The following CCDC62 variants were observed in gnomAD, a reference collection of about 807,000 sequenced individuals.
The protein encoded by CCDC62 is coiled-coil domain-containing protein 62.
A neutral mutation model predicts 80.8 loss-of-function variants in CCDC62; 72 were observed. That is an observed-to-expected ratio of 0.89 (90% CI 0.74 to 1.08). CCDC62 has a LOEUF of 1.08. Among genes scored for constraint, CCDC62 ranks in the 50% least tolerant of loss-of-function variants. The pLI is 0.00. For synonymous variants in CCDC62, 286 were observed against 296.5 expected (o/e 0.96, Z 0.36); for missense variants, 704 against 809.4 (o/e 0.87, Z 1.58).
In CCDC62 at chr12:122,801,465, C is replaced by G. The variant is rs199705995; in HGVS notation, c.1319C>G (p.Thr440Ser). 1.7e-5 allele frequency: 27 copies of G among 1,614,114 alleles called. No homozygotes were observed. In the East Asian group the frequency reaches 5.3e-4, roughly 32 times the overall value. ...ACAAAATCACCAAAATGTCATGGCA[C>G]TGGGGTTCAGAACGAAGGAAAACAA... Reference protein sequence around the residue: ...IHTKSPKCHGTGVQNEGKQPS... With the variant: ...IHTKSPKCHGSGVQNEGKQPS... Residue 440 changes from threonine to serine, a missense_variant, in exon 9 of 13, where the codon ACT (threonine) becomes AGT (serine). Transcript: ENST00000253079.
At chr12:122,811,198 A>C (rs1206687540) in intron 10 of CCDC62, among the ~76,000 whole-genome samples, 1 of 143,766 alleles carries the variant, frequency 7.0e-6, no homozygotes, top group Non-Finnish European at 1.5e-5. Flanking sequence ...AAATAAAAAG[A>C]AATTAAGTTT....
chr12:122,790,351 A>G (rs2030525969), intron 5 of CCDC62, among the ~76,000 whole-genome samples: 1 of 22,808 alleles, frequency 4.4e-5, no homozygotes, highest in African/African-American at 2.1e-4. Context: ...CACCCAGCTT[A>G]AAACTTTTTT....
intron 10 of CCDC62, among the ~76,000 whole-genome samples, chr12:122,808,966 G>A (rs892048088): frequency 2.0e-5 from 3 of 152,146 alleles, no homozygotes; most frequent in Non-Finnish European, 4.4e-5. Context: ...GGTATGAAGA[G>A]GTATCTCAGT....
chr12:122,795,494 G>A (rs1436698125), intron 6 of CCDC62, among the ~76,000 whole-genome samples: 1 of 150,902 alleles, frequency 6.6e-6, no homozygotes, highest in Non-Finnish European at 1.5e-5. Context: ...TGTGTTCGCG[G>A]CTCACTGCAA....
chr12:122,819,101 C>G (rs2032298305), intron 11 of CCDC62, among the ~76,000 whole-genome samples: 1 of 152,132 alleles, frequency 6.6e-6, no homozygotes. Context: ...CATACATTTT[C>G]TGGTGCATTA....
Position 122,820,031 on chromosome 12 carries a change from C to T in CCDC62, c.2002-3335C>T, listed in dbSNP as rs142535333. On this transcript the variant is annotated intron_variant, in intron 11 of 12. Coordinates refer to ENST00000253079, the MANE Select transcript of CCDC62 (RefSeq NM_201435.5). Reference sequence around the variant, plus strand: ...GAGCTGTGATTGAGCAACTGTATTCCAGCCTGAGCGATACAGCAAGATCCT... The same window carrying T: ...GAGCTGTGATTGAGCAACTGTATTCTAGCCTGAGCGATACAGCAAGATCCT... 6.2e-3 allele frequency among the ~76,000 whole-genome samples: 764 copies of T among 123,030 alleles called. 8 individuals are homozygous for T. The highest frequency in any genetic ancestry group is 0.038 in the Middle Eastern group (7 of 182). 80.7% of individuals were successfully genotyped at this position (123,030 alleles called of 152,430 possible).
chr12:122,780,531 GT>G (rs1394831166), intron 2 of CCDC62, among the ~76,000 whole-genome samples: 13 of 150,276 alleles, frequency 8.7e-5, no homozygotes, highest in Admixed American at 5.3e-4. Context: ...GGAGAATGGC[GT>G]GAACCCAGGA....
chr12:122,804,148 G>A (rs573058889), intron 9 of CCDC62, among the ~76,000 whole-genome samples: 21 of 152,258 alleles, frequency 1.4e-4, no homozygotes, highest in East Asian at 1.9e-4. Context: ...AGGTTTACCC[G>A]TGCAGGGAGA....
At chr12:122,777,300 C>T in intron 1 of CCDC62, 191 bp from the exon 2 acceptor site, 1 of 524,996 alleles carries the variant, frequency 1.9e-6, no homozygotes, top group Non-Finnish European at 3.4e-6. Flanking sequence ...TGTAGAGAGG[C>T]AGAGTGCATG....
Position 122,811,987 on chromosome 12 carries a change from ATGT to A in CCDC62, c.1852-1279_1852-1277del, listed in dbSNP as rs544310573. On this transcript the variant is annotated intron_variant, in intron 10 of 12. Coordinates refer to ENST00000253079, the MANE Select transcript of CCDC62 (RefSeq NM_201435.5). ...ATTTTTCAAGGCTTATAAGCCTTTA[ATGT>A]TGTCCTATTTTGCAAGTATTTTGAC... Among the ~76,000 whole-genome samples the A allele has an allele frequency of 1.8e-3, 276 of 152,288 alleles. 2 individuals carry two copies. Among genetic ancestry groups the A allele is most frequent in the Non-Finnish European group, 3.1e-3 (210 of 68,034 alleles).
At chr12:122,819,971 A>AG (rs1356632809) in intron 11 of CCDC62, among the ~76,000 whole-genome samples, 1 of 142,046 alleles carries the variant, frequency 7.0e-6, no homozygotes, top group East Asian at 2.4e-4. Flanking sequence ...CTGGGACAGG[A>AG]GGATTGCTTG....
At chr12:122,803,451 G>A (rs1367199616) in intron 9 of CCDC62, among the ~76,000 whole-genome samples, 2 of 152,000 alleles carry the variant, frequency 1.3e-5, no homozygotes, top group Non-Finnish European at 2.9e-5. Flanking sequence ...AATAATGTCT[G>A]CTATTTTAAA....
intron 3 of CCDC62, among the ~76,000 whole-genome samples, chr12:122,781,636 G>A (rs368566337): frequency 3.6e-4 from 55 of 151,776 alleles, no homozygotes; most frequent in East Asian, 1.2e-3. Flanking sequence ...GGTGAGCCAA[G>A]ATCGCGCCAT....
intron 3 of CCDC62, among the ~76,000 whole-genome samples, chr12:122,783,975 G>A (rs1408392990): frequency 6.6e-6 from 1 of 152,146 alleles, no homozygotes; most frequent in African/African-American, 2.4e-5. Context: ...GATGTGTAAT[G>A]ACACATATCC....
intron 10 of CCDC62, among the ~76,000 whole-genome samples, chr12:122,809,766 C>CTA (rs1349346409): frequency 1.1e-4 from 17 of 152,204 alleles, no homozygotes; most frequent in Non-Finnish European, 2.4e-4. Context: ...TGACTTCAAA[C>CTA]TATACTACAA....
At chr12:122,820,249 G>C (rs2032347006) in intron 11 of CCDC62, among the ~76,000 whole-genome samples, 1 of 152,120 alleles carries the variant, frequency 6.6e-6, no homozygotes, top group Non-Finnish European at 1.5e-5. Flanking sequence ...AACTATTCAA[G>C]AAAAACTCCA....
intron 11 of CCDC62, among the ~76,000 whole-genome samples, chr12:122,820,061 CAAAAAAAAA>C (rs34620795): frequency 8.6e-5 from 5 of 58,114 alleles, no homozygotes; most frequent in South Asian, 8.3e-4. Context: ...GATCCTGTCT[CAAAAAAAAA>C]AAAAAAAAAA....
intron 11 of CCDC62, 22 bp downstream of exon 11, chr12:122,813,441 G>T: frequency 6.2e-7 from 1 of 1,603,400 alleles, no homozygotes. Flanking sequence ...ATTTTCTCTT[G>T]ACTATATTTG....
At position 122,798,220 on chromosome 12, in the gene CCDC62, A is replaced by T. The variant is rs369868771; in HGVS notation, c.977+20A>T. On this transcript the variant is annotated intron_variant, in intron 8 of 12. Coordinates refer to ENST00000253079, the MANE Select transcript of CCDC62 (RefSeq NM_201435.5). ...CTCCAGGTAATCTTAGCAAGATGCA[A>T]TTAATATGATCTTGTATTATATTCC... The T allele has an allele frequency of 6.5e-5, 73 of 1,122,406 alleles. No homozygotes were observed. Among genetic ancestry groups the T allele is most frequent in the Admixed American group, 1.2e-4 (7 of 58,570 alleles). 69.5% of individuals were successfully genotyped at this position (1,122,406 alleles called of 1,614,324 possible). A position where few individuals can be genotyped will look rare whatever the true frequency, so the allele number is the denominator to read the frequency against.
Sources: allele counts gnomAD v4.1 joint callset (sites outside exome capture counted in the v4.1 genomes callset), GRCh38; gene constraint gnomAD v4.1.1; transcripts MANE v1.5; gene names NCBI Gene and HGNC (gene_info 2026-07-23, HGNC 2026-07-21).